Variants in SLC35F4 observed in about 807,000 individuals in gnomAD.
The protein encoded by SLC35F4 is solute carrier family 35 member F4.
A neutral mutation model predicts 44.2 loss-of-function variants in SLC35F4; 24 were observed. That is an observed-to-expected ratio of 0.54 (90% CI 0.39 to 0.76). SLC35F4 has a LOEUF of 0.76. SLC35F4 is among the 30% of genes least tolerant of loss of function. The pLI, the probability that SLC35F4 is intolerant of heterozygous loss-of-function variation, is 0.00. For synonymous variants in SLC35F4, 238 were observed against 223.6 expected (o/e 1.06, Z -0.57); for missense variants, 562 against 586.1 (o/e 0.96, Z 0.42).
Position 57,632,703 on chromosome 14 carries a change from C to G in SLC35F4, c.104-38579G>C, listed in dbSNP as rs540826134. ...GGGTTCACTCTTGGTGTCATACCTT[C>G]TATGGGTTTTTTGTTTTTGTTTTTT... On this transcript the variant is annotated intron_variant, in intron 1 of 7. Coordinates refer to ENST00000556826, the MANE Select transcript of SLC35F4 (RefSeq NM_001306087.2). Among the ~76,000 whole-genome samples, 124 of 152,086 alleles carry G rather than the reference C, an allele frequency of 8.2e-4. 1 individual carries two copies. In the South Asian group the frequency reaches 0.011, roughly 14 times the overall value.
intron 1 of SLC35F4, among the ~76,000 whole-genome samples, chr14:57,718,619 C>A (rs1594874529): frequency 6.6e-6 from 1 of 152,140 alleles, no homozygotes; most frequent in South Asian, 2.1e-4. Context: ...TGTCATATGC[C>A]TGTTTGCCAT....
At chr14:57,744,843 C>T (rs1027099887) in intron 1 of SLC35F4, among the ~76,000 whole-genome samples, 3 of 152,192 alleles carry the variant, frequency 2.0e-5, no homozygotes, top group Admixed American at 1.3e-4. Flanking sequence ...TCAAACTATA[C>T]TACAAGGCTA....
chr14:57,729,167 AC>A (rs2076286543), intron 1 of SLC35F4, among the ~76,000 whole-genome samples: 1 of 152,000 alleles, frequency 6.6e-6, no homozygotes, highest in African/African-American at 2.4e-5. Context: ...GTGTTCTATA[AC>A]CCTCTTGTAC....
chr14:57,950,410 T>C (rs1427833513), intron 1 of SLC35F4, among the ~76,000 whole-genome samples: 1 of 152,022 alleles, frequency 6.6e-6, no homozygotes, highest in Non-Finnish European at 1.5e-5. Context: ...TCTATTTCTC[T>C]AGAGAATTTT....
chr14:57,683,272 T>C (rs1381704853), intron 1 of SLC35F4, among the ~76,000 whole-genome samples: 1 of 152,214 alleles, frequency 6.6e-6, no homozygotes, highest in Non-Finnish European at 1.5e-5. Flanking sequence ...TTTTATTTAC[T>C]TTTTTCCTTT....
At chr14:57,660,763 C>T (rs2074113476) in intron 1 of SLC35F4, among the ~76,000 whole-genome samples, 1 of 152,090 alleles carries the variant, frequency 6.6e-6, no homozygotes, top group Non-Finnish European at 1.5e-5. Flanking sequence ...TGAAGCCTCT[C>T]ACCAACATGA....
At chr14:57,697,608 G>A (rs1186012126) in intron 1 of SLC35F4, among the ~76,000 whole-genome samples, 1 of 151,924 alleles carries the variant, frequency 6.6e-6, no homozygotes, top group Admixed American at 6.6e-5. Flanking sequence ...GGCTGAGGCT[G>A]GAGAATCGCT....
At position 57,865,956 on chromosome 14, in the gene SLC35F4, C is replaced by T; in HGVS notation, c.-131G>A. 6 of 528,056 alleles carry T rather than the reference C, an allele frequency of 1.1e-5. 1 individual carries two copies. In the South Asian group the frequency reaches 1.7e-4, roughly 15 times the overall value. The allele number at this position is 528,056 out of a possible 1,614,324, so 32.7% of individuals were successfully genotyped here. On this transcript the variant is annotated 5_prime_UTR_variant, in exon 1 of 8. The change creates a premature stop within an existing upstream ORF in the 5' untranslated region. Coordinates refer to ENST00000556826, the MANE Select transcript of SLC35F4 (RefSeq NM_001306087.2). ...CTGCTCCCGCGCCCGGGCTCTGACT[C>T]CACCGCCCGGCGCAGCACCGGCTCC... is the stretch of plus-strand genomic sequence containing the variant.
intron 1 of SLC35F4, among the ~76,000 whole-genome samples, chr14:57,675,102 CAACCAG>C (rs2074648162): frequency 6.6e-6 from 1 of 152,004 alleles, no homozygotes; most frequent in African/African-American, 2.4e-5. Flanking sequence ...TGGTAGAAAA[CAACCAG>C]AACAGTGCTT....
intron 3 of SLC35F4, among the ~76,000 whole-genome samples, chr14:57,587,206 C>G (rs2069813778): frequency 6.6e-6 from 1 of 152,086 alleles, no homozygotes; most frequent in Admixed American, 6.5e-5. Context: ...TTGTGGAAGA[C>G]AGACAGTGTG....
chr14:57,664,824 T>A (rs2074254811), intron 1 of SLC35F4, among the ~76,000 whole-genome samples: 1 of 152,224 alleles, frequency 6.6e-6, no homozygotes, highest in South Asian at 2.1e-4. Flanking sequence ...TCAGGCTTTC[T>A]GTCCTCCAGG....
chr14:57,573,956 C>T (rs1171231696), intron 4 of SLC35F4, among the ~76,000 whole-genome samples: 2 of 152,142 alleles, frequency 1.3e-5, no homozygotes, highest in Admixed American at 6.5e-5. Flanking sequence ...ACATGATGTG[C>T]TATTTTATAT....
At position 57,803,838 on chromosome 14, in the gene SLC35F4, C is replaced by T. The variant is rs145297485; in HGVS notation, c.103+61885G>A. On this transcript the variant is annotated intron_variant, in intron 1 of 7. Coordinates refer to ENST00000556826, the MANE Select transcript of SLC35F4 (RefSeq NM_001306087.2). Reference sequence around the variant, plus strand: ...CTCCTGACCTCAGGTGATCCGCCCACTTCAGCCTCCCAAAGTGCTAGGATT... The same window carrying T: ...CTCCTGACCTCAGGTGATCCGCCCATTTCAGCCTCCCAAAGTGCTAGGATT... 3.0e-3 allele frequency among the ~76,000 whole-genome samples: 449 copies of T among 152,144 alleles called. 1 individual carries two copies. Among genetic ancestry groups the T allele is most frequent in the African/African-American group, 0.01 (424 of 41,516 alleles).
At chr14:57,934,205 G>A (rs745319086) in intron 1 of SLC35F4, among the ~76,000 whole-genome samples, 5 of 151,596 alleles carry the variant, frequency 3.3e-5, no homozygotes, top group Non-Finnish European at 5.9e-5. Flanking sequence ...AACAGTTGGT[G>A]ATGTAGTGAA....
chr14:57,726,398 C>T (rs2076203861), intron 1 of SLC35F4, among the ~76,000 whole-genome samples: 1 of 152,210 alleles, frequency 6.6e-6, no homozygotes, highest in Admixed American at 6.5e-5. Flanking sequence ...GCTATGACCA[C>T]ATGACCAGCT....
rs556108032 is a variant in SLC35F4, at chr14:57,817,794, C to T, written c.103+47929G>A. ...GATCATGACAATGGCCTACAGTGAACGAGGCAGAGATTATGGAATTGTCTC... is the reference window on the plus strand; with the variant it reads ...GATCATGACAATGGCCTACAGTGAATGAGGCAGAGATTATGGAATTGTCTC... On this transcript the variant is annotated intron_variant, in intron 1 of 7. Transcript: ENST00000556826. Among the ~76,000 whole-genome samples the T allele has an allele frequency of 7.9e-5, 12 of 152,114 alleles. No homozygotes were observed. The South Asian group carries it at 1.0e-3, about 13-fold the overall frequency.
intron 1 of SLC35F4, among the ~76,000 whole-genome samples, chr14:57,619,394 C>A (rs1472290114): frequency 7.5e-6 from 1 of 133,432 alleles, no homozygotes; most frequent in Admixed American, 7.1e-5. Context: ...GATACCCAGG[C>A]AAAAAAGGTC....
rs1880874916 is a variant in SLC35F4, at chr14:57,803,275, C to T, written c.103+62448G>A. ...AGCACCCCTTCATGTTAAACACTCTCAACAAACTAGGTACTGAAGGAACAT... is the reference window on the plus strand; with the variant it reads ...AGCACCCCTTCATGTTAAACACTCTTAACAAACTAGGTACTGAAGGAACAT... On this transcript the variant is annotated intron_variant, in intron 1 of 7. Transcript: ENST00000556826. 1.3e-5 allele frequency among the ~76,000 whole-genome samples: 2 copies of T among 152,140 alleles called. 1 individual carries two copies. The highest frequency in any genetic ancestry group is 4.1e-4 in the South Asian group (2 of 4,834).
intron 1 of SLC35F4, among the ~76,000 whole-genome samples, chr14:57,908,614 G>A (rs1466163790): frequency 6.6e-6 from 1 of 151,998 alleles, no homozygotes; most frequent in Non-Finnish European, 1.5e-5. Flanking sequence ...CATATCCTTT[G>A]CCCACTTTTT....
Sources: gnomAD v4.1 joint callset for allele counts (sites outside exome capture counted in the v4.1 genomes callset) on GRCh38, gnomAD v4.1.1 for gene constraint, MANE v1.5 for transcripts, NCBI Gene and HGNC (gene_info 2026-07-23, HGNC 2026-07-21) for gene names.